SLC1A3: variants seen among roughly 807,000 people sequenced by gnomAD.
SLC1A3 encodes solute carrier family 1 member 3.
In SLC1A3, 21 loss-of-function variants were observed where a neutral mutation model predicts 48.1. That is an observed-to-expected ratio of 0.44 (90% confidence interval 0.31 to 0.63). SLC1A3 has a LOEUF of 0.63. SLC1A3 is among the 20% of genes least tolerant of loss of function. The pLI, the probability that SLC1A3 is intolerant of heterozygous loss-of-function variation, is 0.08. For synonymous variants in SLC1A3, 239 were observed against 251.4 expected, an observed-to-expected ratio of 0.95 and a Z score of 0.47; for missense variants, 546 against 689.0, an observed-to-expected ratio of 0.79 and a Z score of 2.32.
chr5:36,681,579 T>C lies in SLC1A3; in HGVS notation c.1289+990T>C, dbSNP rs183561901. The stretch of plus-strand genomic sequence containing the variant: ...TGAGGTGTTCAGTGAAAAGTTATTT[T>C]CCTTTCCATACCTTCCCCCCATCTC... On this transcript the variant is annotated intron_variant, in intron 8 of 9. Coordinates refer to ENST00000265113, the MANE Select transcript of SLC1A3 (RefSeq NM_004172.5). Among the ~76,000 whole-genome samples, 82 of 152,366 alleles carry C rather than the reference T, an allele frequency of 5.4e-4. 1 individual carries two copies. In the East Asian group the frequency reaches 0.013, roughly 25 times the overall value.
At chr5:36,636,060 T>TGTGTGTGTGTGTGC (rs1238339661) in intron 3 of SLC1A3, 1 of 152,114 alleles carries the variant, frequency 6.6e-6, no homozygotes, top group African/African-American at 2.4e-5. Context: ...TGTGTGTGTG[T>TGTGTGTGTGTGTGC]GTGTGTGTGT....
At chr5:36,598,571 T>C (rs1477829900) in intron 1 of SLC1A3, among the ~76,000 whole-genome samples, 1 of 152,238 alleles carries the variant, frequency 6.6e-6, no homozygotes, top group Non-Finnish European at 1.5e-5. Flanking sequence ...CCAATAGAAA[T>C]ATAATGTGTT....
intron 2 of SLC1A3, among the ~76,000 whole-genome samples, chr5:36,623,875 A>G (rs1028791456): frequency 9.2e-4 from 140 of 151,938 alleles, no homozygotes; most frequent in African/African-American, 2.9e-3. Context: ...AAAAAAAAAA[A>G]AAAAGAAAAG....
intron 2 of SLC1A3, among the ~76,000 whole-genome samples, chr5:36,621,957 G>T (rs532844310): frequency 6.6e-6 from 1 of 152,272 alleles, no homozygotes; most frequent in East Asian, 1.9e-4. Context: ...ACAAATTAGT[G>T]CTAGTTTGGT....
intron 3 of SLC1A3, chr5:36,667,868 A>G (rs1261373148): frequency 3.9e-5 from 6 of 152,196 alleles, no homozygotes; most frequent in African/African-American, 1.4e-4. Context: ...TGATGTCTTG[A>G]ATTGGGCTAG....
chr5:36,667,494 A>T (rs1025217692), intron 3 of SLC1A3, among the ~76,000 whole-genome samples: 2 of 152,110 alleles, frequency 1.3e-5, no homozygotes, highest in Non-Finnish European at 2.9e-5. Flanking sequence ...CAGTAAGAAT[A>T]CTCTCTTGGA....
chr5:36,629,770 G>A (rs1308512082), intron 3 of SLC1A3, among the ~76,000 whole-genome samples, 183 bp downstream of exon 3: 4 of 151,630 alleles, frequency 2.6e-5, no homozygotes, highest in East Asian at 1.9e-4. Flanking sequence ...TATAACTCTC[G>A]TATTTTACCA....
intron 2 of SLC1A3, among the ~76,000 whole-genome samples, chr5:36,625,224 G>A (rs546212662): frequency 2.2e-4 from 34 of 152,342 alleles, no homozygotes; most frequent in African/African-American, 6.7e-4. Flanking sequence ...TCGGGAAGCC[G>A]AGGCAGGCGG....
chr5:36,644,485 T>C (rs1373889633), intron 3 of SLC1A3, among the ~76,000 whole-genome samples: 4 of 152,190 alleles, frequency 2.6e-5, no homozygotes, highest in African/African-American at 9.6e-5. Context: ...ATAAAGTTAA[T>C]TACAAAAGTA....
rs188554420 is a variant in SLC1A3, at chr5:36,664,399, C to A, written c.320-6630C>A. ...CCACCCTCCTCGGCCTCCCAAAGTG[C>A]TGGAATTACAGGTTTGAGCCACCAT... On this transcript the variant is annotated intron_variant, in intron 3 of 9. Coordinates refer to ENST00000265113, the MANE Select transcript of SLC1A3 (RefSeq NM_004172.5). Among the ~76,000 whole-genome samples the A allele has an allele frequency of 7.3e-5, 11 of 150,676 alleles. No individual in the cohort carries two copies. In the East Asian group the frequency reaches 2.2e-3, roughly 30 times the overall value.
chr5:36,609,092 T>C, intron 2 of SLC1A3: 1 of 988,044 alleles, frequency 1.0e-6, no homozygotes, highest in Non-Finnish European at 1.2e-6. Context: ...GAATATTTTA[T>C]GTGTTTGCAC....
rs577558482 is a variant in SLC1A3 at position 36,615,518 on chromosome 5, C to A, written c.181+6914C>A. 1.1e-4 allele frequency among the ~76,000 whole-genome samples: 17 copies of A among 152,284 alleles called. No individual in the cohort carries two copies. The South Asian group carries it at 2.7e-3, about 24-fold the overall frequency. On this transcript the variant is annotated intron_variant, in intron 2 of 9. Transcript: ENST00000265113. ...TTCTCTCCCTTTGACCTCTTGAGGG[C>A]CCCTGGCTCTGGGTCTGATAATCAG...
intron 2 of SLC1A3, chr5:36,612,602 A>AT (rs1424796627): frequency 1.4e-5 from 2 of 146,660 alleles, no homozygotes; most frequent in African/African-American, 5.0e-5. Flanking sequence ...ATAAGAAAAA[A>AT]AAAATAATAA....
chr5:36,597,224 T>TC, intron 1 of SLC1A3, among the ~76,000 whole-genome samples: 1 of 144,138 alleles, frequency 6.9e-6, no homozygotes, highest in East Asian at 2.0e-4. Flanking sequence ...GAAAACTTCT[T>TC]CTTCCTTTCT....
At chr5:36,635,463 G>T (rs1366632) in intron 3 of SLC1A3, among the ~76,000 whole-genome samples, 77,092 of 152,028 alleles carry the variant, frequency 0.51, 20,550 homozygotes, top group South Asian at 0.58. Context: ...TCATTTGTCT[G>T]TGATCCCTGA....
intron 3 of SLC1A3, among the ~76,000 whole-genome samples, chr5:36,651,374 G>T (rs1449651993): frequency 1.3e-5 from 2 of 151,986 alleles, no homozygotes; most frequent in Non-Finnish European, 2.9e-5. Flanking sequence ...CCACAATCCA[G>T]GGTCTTGCTC....
upstream of SLC1A3, among the ~76,000 whole-genome samples, chr5:36,602,397 G>A (rs1195383991): frequency 2.0e-5 from 3 of 152,144 alleles, no homozygotes; most frequent in Non-Finnish European, 4.4e-5. Context: ...GTGTGTAGAA[G>A]TACTTAAAAA....
Position 36,683,986 on chromosome 5 carries a change from T to A in SLC1A3, c.1412T>A (p.Val471Glu), listed in dbSNP as rs968582080. Residue 471 changes from valine to glutamate, a missense_variant, in exon 9 of 10, where the codon GTG becomes GAG. Transcript: ENST00000265113. The part of the protein sequence containing the change: ...PTDDITLIIA[V>E]DWFLDRLRTT... ...GACGACATCACGCTCATCATCGCGG[T>A]GGACTGGTTCCTGTGAGTATGCTTG... 1.2e-6 allele frequency: 2 copies of A among 1,614,104 alleles called. No homozygotes were observed. Among genetic ancestry groups the A allele is most frequent in the Non-Finnish European group, 1.7e-6 (2 of 1,180,048 alleles).
At chr5:36,663,380 AT>A (rs1156283585) in intron 3 of SLC1A3, among the ~76,000 whole-genome samples, 5,979 of 68,994 alleles carry the variant, frequency 0.087, 87 homozygotes, top group South Asian at 0.16. Context: ...CACGCCCGGC[AT>A]TTTTTTTTTT....
Sources: allele counts gnomAD v4.1 joint callset (sites outside exome capture counted in the v4.1 genomes callset), GRCh38; gene constraint gnomAD v4.1.1; transcripts MANE v1.5; gene names NCBI Gene and HGNC (gene_info 2026-07-23, HGNC 2026-07-21).